RP1: variants seen among roughly 807,000 people sequenced by gnomAD.
RP1 encodes RP1 axonemal microtubule associated.
RP1 carries 16 observed loss-of-function variants against 14.8 expected under a neutral mutation model. The ratio of observed to expected loss-of-function variants is 1.08; its 90% CI spans 0.73 to 1.65. RP1 has a LOEUF of 1.65. Ranked by LOEUF, RP1 falls within the 40% of genes most tolerant of loss-of-function variation. The pLI is 0.00. For missense variants in RP1, 2,631 were observed against 2,535.0 expected (o/e 1.04, Z -0.81); for synonymous variants, 876 against 883.6 (o/e 0.99, Z 0.15).
chr8:54,563,755 C>G (rs1450562840), intron 1 of RP1, among the ~76,000 whole-genome samples: 1 of 152,038 alleles, frequency 6.6e-6, no homozygotes, highest in Non-Finnish European at 1.5e-5. Context: ...TACTATGTAG[C>G]TTAGGGTGGT....
intron 2 of RP1, 147 bp from the exon 3 acceptor site, chr8:54,621,970 T>G: frequency 1.2e-6 from 1 of 839,016 alleles, no homozygotes; most frequent in Non-Finnish European, 1.9e-6. Context: ...CCGCTTATTT[T>G]GTATACACCA....
chr8:54,812,155 T>C (rs1468586028), intron 24 of RP1, among the ~76,000 whole-genome samples: 1 of 152,234 alleles, frequency 6.6e-6, no homozygotes, highest in African/African-American at 2.4e-5. Flanking sequence ...CTTTTATTTA[T>C]GTAGACACAG....
chr8:54,772,398 C>A (rs1012092947), downstream of RP1, among the ~76,000 whole-genome samples: 1 of 152,056 alleles, frequency 6.6e-6, no homozygotes, highest in Non-Finnish European at 1.5e-5. Flanking sequence ...TCTAGAAGTT[C>A]TTTCAAGATA....
chr8:54,868,209 A>T (rs1055080803), intron 28 of RP1, among the ~76,000 whole-genome samples: 3 of 152,208 alleles, frequency 2.0e-5, no homozygotes, highest in African/African-American at 7.2e-5. Flanking sequence ...CATGAAAGTG[A>T]CTTATTTCTA....
intron 15 of RP1, among the ~76,000 whole-genome samples, chr8:54,707,326 G>A (rs1808175489): frequency 6.6e-6 from 1 of 152,114 alleles, no homozygotes; most frequent in Admixed American, 6.5e-5. Context: ...GTCTCGCCAT[G>A]TTGCCCAGGC....
intron 15 of RP1, among the ~76,000 whole-genome samples, chr8:54,718,467 A>T (rs1430284649): frequency 6.6e-6 from 1 of 152,226 alleles, no homozygotes; most frequent in African/African-American, 2.4e-5. Flanking sequence ...CAATGGAGAA[A>T]GGGTAGACTT....
intron 15 of RP1, among the ~76,000 whole-genome samples, chr8:54,713,747 TAA>T (rs1808341813): frequency 6.6e-6 from 1 of 152,226 alleles, no homozygotes; most frequent in African/African-American, 2.4e-5. Context: ...TAGTTTTATG[TAA>T]AAATTATAAA....
chr8:54,680,864 A>G (rs950639843), intron 12 of RP1, among the ~76,000 whole-genome samples: 33 of 152,060 alleles, frequency 2.2e-4, no homozygotes, highest in African/African-American at 7.7e-4. Flanking sequence ...AGGCTGAGGC[A>G]GGAGAATGGT....
Position 54,689,114 on chromosome 8 carries a change from G to T in RP1, c.1717+9181G>T, listed in dbSNP as rs1260824988. On this transcript the variant is annotated intron_variant, in intron 12 of 22. Coordinates refer to the RP1 transcript ENST00000636932. Reference sequence around the variant, plus strand: ...TCACTCATGATTTGGCTGTCTCTTTGTCTGTTATTGATGTATAGAAATGCT... The same window carrying T: ...TCACTCATGATTTGGCTGTCTCTTTTTCTGTTATTGATGTATAGAAATGCT... Among the ~76,000 whole-genome samples, 3 of 152,176 alleles carry T rather than the reference G, an allele frequency of 2.0e-5. No individual in the cohort carries two copies. The East Asian group carries it at 5.8e-4, about 29-fold the overall frequency.
intron 8 of RP1, among the ~76,000 whole-genome samples, chr8:54,677,091 C>A (rs1807309179): frequency 1.3e-5 from 2 of 150,980 alleles, no homozygotes; most frequent in Admixed American, 1.3e-4. Flanking sequence ...GGGGTCTTAT[C>A]TAGGATGACT....
intron 24 of RP1, among the ~76,000 whole-genome samples, chr8:54,791,713 A>G (rs1477527294): frequency 6.6e-6 from 1 of 152,098 alleles, no homozygotes; most frequent in Non-Finnish European, 1.5e-5. Flanking sequence ...AACCTGCAGT[A>G]GATACACAAA....
At chr8:54,678,620 G>A in intron 9 of RP1, 1 of 1,096,310 alleles carries the variant, frequency 9.1e-7, no homozygotes, top group Non-Finnish European at 1.3e-6. Flanking sequence ...AACTTATTTA[G>A]TTGTTCCTAG....
rs758604193 is a variant in RP1, at chr8:54,622,176, G to A, written c.675G>A (p.Glu225=). 4 of 1,614,050 alleles carry A rather than the reference G, an allele frequency of 2.5e-6. No individual in the cohort carries two copies. The highest frequency in any genetic ancestry group is 1.3e-5 in the African/African-American group (1 of 74,916). Residue 225 remains glutamate (E), a synonymous_variant, in exon 3 of 4, where the codon GAG becomes GAA. Coordinates refer to ENST00000220676, the MANE Select transcript of RP1 (RefSeq NM_006269.2). ...GAGCTGTGGTGGCGGCAGGAAGGGA[G>A]CCATTTAAACCAGGAAATTATGACA... is the stretch of plus-strand genomic sequence containing the variant. ...SSGAVVAAGR[E]PFKPGNYDIQ...
intron 6 of RP1, among the ~76,000 whole-genome samples, chr8:54,658,077 C>T (rs1396149537): frequency 6.6e-6 from 1 of 152,212 alleles, no homozygotes. Context: ...CCCCAATCCC[C>T]ATCCTGCTGC....
intron 2 of RP1, 68 bp downstream of exon 2, chr8:54,621,649 G>T: frequency 6.2e-7 from 1 of 1,607,418 alleles, no homozygotes; most frequent in Non-Finnish European, 8.5e-7. Context: ...ATTCGTGTGG[G>T]ATATGAATGG....
intron 24 of RP1, among the ~76,000 whole-genome samples, chr8:54,806,080 G>A (rs1187485976): frequency 6.6e-6 from 1 of 152,116 alleles, no homozygotes; most frequent in Non-Finnish European, 1.5e-5. Flanking sequence ...GTGCAGTGGT[G>A]CAATCTCGGC....
chr8:54,569,628 T>C (rs1248056750), intron 1 of RP1, among the ~76,000 whole-genome samples: 1 of 152,166 alleles, frequency 6.6e-6, no homozygotes, highest in Non-Finnish European at 1.5e-5. Context: ...TTTGGAACTT[T>C]TTCCCAGAAG....
intron 15 of RP1, among the ~76,000 whole-genome samples, chr8:54,715,838 A>C (rs1808392090): frequency 6.6e-6 from 1 of 152,242 alleles, no homozygotes; most frequent in African/African-American, 2.4e-5. Flanking sequence ...AGATATACTA[A>C]GACATGCTCC....
chr8:54,676,524 T>C (rs989723867), intron 8 of RP1, among the ~76,000 whole-genome samples: 2 of 152,140 alleles, frequency 1.3e-5, no homozygotes, highest in Admixed American at 1.3e-4. Flanking sequence ...GAGAAGATAG[T>C]AAGATAAATG....
Sources: allele counts gnomAD v4.1 joint callset (sites outside exome capture counted in the v4.1 genomes callset), GRCh38; gene constraint gnomAD v4.1.1; transcripts MANE v1.5; gene names NCBI Gene and HGNC (gene_info 2026-07-23, HGNC 2026-07-21).